KCNJ1: variants seen among roughly 807,000 people sequenced by gnomAD.
The protein encoded by KCNJ1 is ATP-sensitive inward rectifier potassium channel 1.
In KCNJ1, 24 loss-of-function variants were observed where a neutral mutation model predicts 21.9. That is an observed-to-expected ratio of 1.10 (90% CI 0.79 to 1.54). The LOEUF (loss-of-function observed/expected upper bound fraction) is 1.54. KCNJ1 is among the 40% of genes most tolerant of loss of function. The pLI, the probability that KCNJ1 is intolerant of heterozygous loss-of-function variation, is 0.00. For synonymous variants in KCNJ1, 152 were observed against 160.9 expected (o/e 0.94, Z 0.42); for missense variants, 457 against 455.4 (o/e 1.00, Z -0.03).
Position 128,840,168 on chromosome 11 carries a change from T to C in KCNJ1, c.76A>G (p.Lys26Glu), listed in dbSNP as rs755164642. The part of the protein sequence containing the change: ...HSRQRARLVS[K>E]DGRCNIEFGN... ...AATTCTATGTTGCACCTTCCATCTTTGGAGACTAGCCTTGCTCTTTGCCGA... is the reference window on the plus strand; with the variant it reads ...AATTCTATGTTGCACCTTCCATCTTCGGAGACTAGCCTTGCTCTTTGCCGA... The change falls in exon 3 of 3, where the codon AAA (lysine) becomes GAA (glutamate). Residue 26 changes from lysine to glutamate, a missense_variant. Lys to Glu is a moderately conservative substitution (Grantham distance 56). Transcript: ENST00000392666. The C allele has an allele frequency of 3.7e-6, 6 of 1,614,100 alleles. No homozygotes were observed. Among genetic ancestry groups the C allele is most frequent in the Non-Finnish European group, 5.1e-6 (6 of 1,180,056 alleles).
intron 2 of KCNJ1, among the ~76,000 whole-genome samples, chr11:128,846,814 G>A (rs1246741742): frequency 3.3e-5 from 5 of 152,082 alleles, no homozygotes; most frequent in Admixed American, 2.0e-4. Context: ...TACTACCGGC[G>A]AGGTCTTGGT....
At chr11:128,842,674 A>G in intron 2 of KCNJ1, 3 of 629,858 alleles carry the variant, frequency 4.8e-6, no homozygotes, top group Non-Finnish European at 2.6e-6. Context: ...ATGCTAAGAC[A>G]TGACAAGCCA....
intron 2 of KCNJ1, among the ~76,000 whole-genome samples, chr11:128,849,806 C>T (rs1442828382): frequency 6.6e-6 from 1 of 152,156 alleles, no homozygotes; most frequent in Non-Finnish European, 1.5e-5. Flanking sequence ...TAGGCCTCTA[C>T]AGGGTGTTGT....
intron 1 of KCNJ1, among the ~76,000 whole-genome samples, chr11:128,865,896 A>T (rs982012117): frequency 6.6e-6 from 1 of 152,218 alleles, no homozygotes; most frequent in Non-Finnish European, 1.5e-5. Flanking sequence ...TCATTAAAGC[A>T]TTAAAGATTA....
At chr11:128,866,563 A>G (rs910902910) in intron 1 of KCNJ1, 70 of 972,052 alleles carry the variant, frequency 7.2e-5, no homozygotes, top group African/African-American at 1.1e-4. Context: ...TCACTGGTAT[A>G]GAGCAATTGT....
chr11:128,840,273 AC>A lies in KCNJ1; in HGVS notation c.-21-10del. The A allele has an allele frequency of 6.2e-7, 1 of 1,614,056 alleles. No individual in the cohort carries two copies. The highest frequency in any genetic ancestry group is 8.5e-7 in the Non-Finnish European group (1 of 1,179,896). ...TCTGTCAACACCCTGATCTGAAAAC[AC>A]ATCAAAGAAAAACAAAAAAGGATTA... On this transcript the variant is annotated splice_polypyrimidine_tract_variant and intron_variant, in intron 2 of 2. Coordinates refer to ENST00000392666, the MANE Select transcript of KCNJ1 (RefSeq NM_153766.3).
At chr11:128,844,382 T>C (rs1191210078) in intron 2 of KCNJ1, among the ~76,000 whole-genome samples, 2 of 152,246 alleles carry the variant, frequency 1.3e-5, no homozygotes, top group Non-Finnish European at 2.9e-5. Flanking sequence ...ACAGGTTTTT[T>C]TCATAGAACG....
chr11:128,854,196 C>T (rs1383876000), intron 1 of KCNJ1, among the ~76,000 whole-genome samples: 1 of 152,236 alleles, frequency 6.6e-6, no homozygotes, highest in Non-Finnish European at 1.5e-5. Flanking sequence ...CAGGGTCCCT[C>T]CTACTGCACC....
chr11:128,844,836 A>G (rs1943351722), intron 2 of KCNJ1, among the ~76,000 whole-genome samples: 1 of 151,358 alleles, frequency 6.6e-6, no homozygotes, highest in Non-Finnish European at 1.5e-5. Flanking sequence ...TTGTTCCTCT[A>G]TAGAAATGGA....
chr11:128,847,889 G>A (rs1056597660), intron 2 of KCNJ1, among the ~76,000 whole-genome samples: 14 of 151,964 alleles, frequency 9.2e-5, no homozygotes, highest in South Asian at 2.1e-4. Context: ...TTATTTTTGA[G>A]ACAGGGTCTC....
At chr11:128,854,219 G>A (rs1943538978) in intron 1 of KCNJ1, among the ~76,000 whole-genome samples, 1 of 152,250 alleles carries the variant, frequency 6.6e-6, no homozygotes, top group Non-Finnish European at 1.5e-5. Flanking sequence ...CCAAGCAAGA[G>A]CTCCTTCTCT....
chr11:128,852,597 C>T (rs909138368), intron 1 of KCNJ1, among the ~76,000 whole-genome samples: 2 of 152,246 alleles, frequency 1.3e-5, no homozygotes, highest in African/African-American at 2.4e-5. Flanking sequence ...CCAGCAGCTT[C>T]GGTGACCCTT....
At chr11:128,866,044 C>T (rs1943810652) in intron 1 of KCNJ1, among the ~76,000 whole-genome samples, 1 of 152,052 alleles carries the variant, frequency 6.6e-6, no homozygotes, top group Admixed American at 6.6e-5. Flanking sequence ...TTCTGATGGC[C>T]CATACGTTCC....
chr11:128,864,982 C>T (rs1214173430), intron 1 of KCNJ1, among the ~76,000 whole-genome samples: 1 of 152,100 alleles, frequency 6.6e-6, no homozygotes, highest in Non-Finnish European at 1.5e-5. Flanking sequence ...AGTTCCTCAG[C>T]ATCACATACT....
intron 2 of KCNJ1, among the ~76,000 whole-genome samples, chr11:128,841,873 G>T (rs1431827278): frequency 1.3e-5 from 2 of 152,138 alleles, no homozygotes; most frequent in Non-Finnish European, 2.9e-5. Context: ...AGTCAAGAGG[G>T]CCCTCCTCTC....
intron 1 of KCNJ1, among the ~76,000 whole-genome samples, chr11:128,858,155 GGAGGGATGGC>G (rs1191322323): frequency 1.4e-4 from 21 of 150,740 alleles, no homozygotes; most frequent in Admixed American, 3.3e-4. Flanking sequence ...CGAGGGTTGG[GGAGGGATGGC>G]GAGGGATGGC....
Position 128,842,401 on chromosome 11 carries a change from C to T in KCNJ1, c.-21-2137G>A, listed in dbSNP as rs149689578. 3.9e-5 allele frequency: 63 copies of T among 1,613,782 alleles called. No homozygotes were observed. The highest frequency in any genetic ancestry group is 1.3e-4 in the Admixed American group (8 of 60,014). On this transcript the variant is annotated intron_variant, in intron 2 of 2. Coordinates refer to ENST00000392666, the MANE Select transcript of KCNJ1 (RefSeq NM_153766.3). ...ACTTACCAACGTGTCAAACACATTC[C>T]GACTGGAAGCATTCATGGCTGGAAA... is the stretch of plus-strand genomic sequence containing the variant.
intron 2 of KCNJ1, among the ~76,000 whole-genome samples, chr11:128,847,772 G>A (rs1040792991): frequency 6.6e-6 from 1 of 152,246 alleles, no homozygotes; most frequent in Admixed American, 6.5e-5. Context: ...AGTCTTTGGT[G>A]GCAGCCCACA....
chr11:128,842,475 C>A, intron 2 of KCNJ1: 2 of 1,612,934 alleles, frequency 1.2e-6, no homozygotes, highest in South Asian at 1.1e-5. Context: ...AGACTGATTT[C>A]TTTTAGACTC....
Sources: gnomAD v4.1 joint callset for allele counts (sites outside exome capture counted in the v4.1 genomes callset) on GRCh38, gnomAD v4.1.1 for gene constraint, MANE v1.5 for transcripts, NCBI Gene and HGNC (gene_info 2026-07-23, HGNC 2026-07-21) for gene names.